The following NLGN1 variants were observed in gnomAD, a reference collection of about 807,000 sequenced individuals.
NLGN1 encodes neuroligin 1.
NLGN1 carries 12 observed loss-of-function variants against 65.5 expected under a neutral mutation model. That is an observed-to-expected ratio of 0.18 (90% CI 0.12 to 0.30). NLGN1 has a LOEUF of 0.30. Ranked by LOEUF, NLGN1 falls within the 10% of genes least tolerant of loss-of-function variation. The pLI is 1.00. For synonymous variants in NLGN1, 350 were observed against 359.5 expected, an observed-to-expected ratio of 0.97 and a Z score of 0.30; for missense variants, 750 against 1,007.1, an observed-to-expected ratio of 0.74 and a Z score of 3.46.
chr3:173,599,172 A>G (rs922920497), intron 2 of NLGN1, among the ~76,000 whole-genome samples: 1 of 152,096 alleles, frequency 6.6e-6, no homozygotes, highest in South Asian at 2.1e-4. Context: ...AATTGTGTTC[A>G]TTTGTTTATT....
chr3:173,559,810 A>G, intron 2 of NLGN1, among the ~76,000 whole-genome samples: 1 of 152,320 alleles, frequency 6.6e-6, no homozygotes, highest in Non-Finnish European at 1.5e-5. Context: ...AAAATGAAAT[A>G]TATATAAGTA....
intron 3 of NLGN1, among the ~76,000 whole-genome samples, chr3:173,795,419 T>G (rs2150382128): frequency 6.6e-6 from 1 of 152,272 alleles, no homozygotes. Flanking sequence ...ATATAATCAA[T>G]AGTTTTAAAA....
chr3:174,213,056 A>G (rs1479921445), intron 4 of NLGN1, among the ~76,000 whole-genome samples: 1 of 152,234 alleles, frequency 6.6e-6, no homozygotes, highest in Non-Finnish European at 1.5e-5. Context: ...TTAATTCTAT[A>G]AGCAACTTTA....
intron 3 of NLGN1, among the ~76,000 whole-genome samples, chr3:173,728,027 A>T (rs1291962291): frequency 6.6e-6 from 1 of 152,092 alleles, no homozygotes; most frequent in Non-Finnish European, 1.5e-5. Context: ...GGCTTGGGGA[A>T]TATGAACTGA....
chr3:174,076,488 G>A (rs1740934269), intron 4 of NLGN1, among the ~76,000 whole-genome samples: 1 of 152,092 alleles, frequency 6.6e-6, no homozygotes, highest in African/African-American at 2.4e-5. Context: ...GGATGCGTCT[G>A]AAGAGGCCCA....
chr3:173,920,321 G>A lies in NLGN1; in HGVS notation c.646+112489G>A, dbSNP rs1215034986. ...GGTGTGTTAGAAAGAAAGCACAAATGTAAACGTTATATTGCCATTGACTGT... is the reference window on the plus strand; with the variant it reads ...GGTGTGTTAGAAAGAAAGCACAAATATAAACGTTATATTGCCATTGACTGT... On this transcript the variant is annotated intron_variant, in intron 4 of 6. Transcript: ENST00000457714. 3.9e-5 allele frequency among the ~76,000 whole-genome samples: 6 copies of A among 152,108 alleles called. No individual in the cohort carries two copies. The East Asian group carries it at 1.2e-3, about 29-fold the overall frequency.
chr3:173,588,139 A>G (rs1259375662), intron 2 of NLGN1, among the ~76,000 whole-genome samples: 1 of 152,152 alleles, frequency 6.6e-6, no homozygotes, highest in African/African-American at 2.4e-5. Flanking sequence ...GACATATTGA[A>G]TTTGCCAAGC....
intron 4 of NLGN1, among the ~76,000 whole-genome samples, chr3:174,160,496 T>C (rs1357601930): frequency 6.6e-6 from 1 of 151,694 alleles, no homozygotes; most frequent in Non-Finnish European, 1.5e-5. Context: ...TTATTTAGCA[T>C]TGTTCTTTCC....
At chr3:173,946,721 C>T (rs1245790274) in intron 4 of NLGN1, among the ~76,000 whole-genome samples, 1 of 152,196 alleles carries the variant, frequency 6.6e-6, no homozygotes, top group African/African-American at 2.4e-5. Context: ...AAGTCTCTTC[C>T]TATTCACTGT....
intron 4 of NLGN1, among the ~76,000 whole-genome samples, chr3:173,931,031 T>C (rs1743989793): frequency 6.6e-6 from 1 of 152,218 alleles, no homozygotes; most frequent in Non-Finnish European, 1.5e-5. Context: ...CTATCCATTA[T>C]TGTAATTTGC....
chr3:174,065,572 T>C (rs1738345216), intron 4 of NLGN1, among the ~76,000 whole-genome samples: 1 of 152,126 alleles, frequency 6.6e-6, no homozygotes, highest in Non-Finnish European at 1.5e-5. Flanking sequence ...GCTTCGAAAA[T>C]ACGTCTCATT....
chr3:173,445,977 C>T (rs1254839553), intron 2 of NLGN1, among the ~76,000 whole-genome samples: 1 of 152,154 alleles, frequency 6.6e-6, no homozygotes, highest in Non-Finnish European at 1.5e-5. Flanking sequence ...GAGCAGATTA[C>T]CCCTGTTTTT....
At chr3:174,272,833 T>G (rs370569845) in intron 4 of NLGN1, among the ~76,000 whole-genome samples, 29 of 151,604 alleles carry the variant, frequency 1.9e-4, no homozygotes, top group African/African-American at 6.8e-4. Context: ...CTTGGACGTT[T>G]TGAGGCTACA....
At chr3:173,686,237 C>T (rs568324421) in intron 3 of NLGN1, among the ~76,000 whole-genome samples, 1 of 148,212 alleles carries the variant, frequency 6.7e-6, no homozygotes, top group East Asian at 2.0e-4. Context: ...TAATATTGTA[C>T]TAAGATGAGA....
At chr3:173,935,623 C>CA (rs57330209) in intron 4 of NLGN1, among the ~76,000 whole-genome samples, 2 of 32,314 alleles carry the variant, frequency 6.2e-5, no homozygotes, top group Admixed American at 5.1e-4. Flanking sequence ...CACACACACA[C>CA]TCTCTCTCTC....
intron 4 of NLGN1, among the ~76,000 whole-genome samples, chr3:174,002,794 G>A (rs1030556614): frequency 6.6e-6 from 1 of 152,192 alleles, no homozygotes; most frequent in Non-Finnish European, 1.5e-5. Flanking sequence ...AAAACAGACT[G>A]GTGCTGCTCC....
At chr3:173,971,154 C>T (rs1355959847) in intron 4 of NLGN1, among the ~76,000 whole-genome samples, 1 of 151,946 alleles carries the variant, frequency 6.6e-6, no homozygotes, top group Non-Finnish European at 1.5e-5. Flanking sequence ...AAAATAAAAT[C>T]CCTGAACGAG....
intron 3 of NLGN1, among the ~76,000 whole-genome samples, chr3:173,742,432 A>G (rs897747575): frequency 6.6e-6 from 1 of 152,204 alleles, no homozygotes; most frequent in Non-Finnish European, 1.5e-5. Context: ...AATTTTTTCA[A>G]GCTTCTACTA....
chr3:173,999,806 G>C (rs1026793654), intron 4 of NLGN1, among the ~76,000 whole-genome samples: 1 of 152,090 alleles, frequency 6.6e-6, no homozygotes, highest in Non-Finnish European at 1.5e-5. Context: ...CTAAAGACCT[G>C]AATCCACCCT....
Sources: gnomAD v4.1 joint callset for allele counts (sites outside exome capture counted in the v4.1 genomes callset) on GRCh38, gnomAD v4.1.1 for gene constraint, MANE v1.5 for transcripts, NCBI Gene and HGNC (gene_info 2026-07-23, HGNC 2026-07-21) for gene names.